The following DMGDH variants were observed in gnomAD, a reference collection of about 807,000 sequenced individuals.
The protein encoded by DMGDH is dimethylglycine dehydrogenase, also known as dimethylglycine dehydrogenase, mitochondrial.
In DMGDH, 76 loss-of-function variants were observed where a neutral mutation model predicts 95.2. That is an observed-to-expected ratio of 0.80 (90% CI 0.66 to 0.97). The LOEUF (loss-of-function observed/expected upper bound fraction) is 0.97, where lower values mean the gene tolerates loss of function less well. DMGDH is among the 50% of genes least tolerant of loss of function. The pLI, the probability that DMGDH is intolerant of heterozygous loss-of-function variation, is 0.00. For missense variants in DMGDH, 987 were observed against 1,055.0 expected (o/e 0.94, Z 0.89); for synonymous variants, 345 against 377.6 (o/e 0.91, Z 1.00).
chr5:79,043,863 C>G (rs1754591258), intron 6 of DMGDH, among the ~76,000 whole-genome samples: 1 of 152,216 alleles, frequency 6.6e-6, no homozygotes, highest in Non-Finnish European at 1.5e-5. Flanking sequence ...AAACCCTGCT[C>G]TGTTATAGAC....
At chr5:79,054,421 A>T in intron 3 of DMGDH, 73 bp from the exon 4 acceptor site, 1 of 1,419,332 alleles carries the variant, frequency 7.0e-7, no homozygotes, top group Non-Finnish European at 9.9e-7. Context: ...CTGCTCCAGT[A>T]TAATGAAAAT....
Position 79,033,308 on chromosome 5 carries a change from A to G in DMGDH, c.1294T>C (p.Tyr432His), listed in dbSNP as rs1363920076. 2 of 1,614,174 alleles carry G rather than the reference A, an allele frequency of 1.2e-6. No individual in the cohort carries two copies. The highest frequency in any genetic ancestry group is 1.1e-5 in the South Asian group (1 of 91,084). Residue 432 changes from tyrosine (Y) to histidine (H), a missense_variant, in exon 8 of 16, where the codon TAT becomes CAT. Physicochemically the swap from Tyr to His is moderately conservative, Grantham distance 83. Coordinates refer to ENST00000255189, the MANE Select transcript of DMGDH (RefSeq NM_013391.3). Reference sequence around the variant, plus strand: ...TACTGGGTTGTTGTCCATTTGCCATAGCGATTAGGATCCAATTCTATCAGA... The same window carrying G: ...TACTGGGTTGTTGTCCATTTGCCATGGCGATTAGGATCCAATTCTATCAGA... ...FDLIELDPNRYGKWTTTQYTE... is the reference protein window; with the variant it reads ...FDLIELDPNRHGKWTTTQYTE...
Position 79,069,637 on chromosome 5 carries a change from AG to A in DMGDH, c.-18del, listed in dbSNP as rs1755498378. ...ACGGAGCATGACTAGGCCGAGGCCG[AG>A]GGCGCAGGCGCCTGCTCCGAGGCCA... On this transcript the variant is annotated 5_prime_UTR_variant, in exon 1 of 16. Coordinates refer to ENST00000255189, the MANE Select transcript of DMGDH (RefSeq NM_013391.3). 1.5e-6 allele frequency: 2 copies of A among 1,352,088 alleles called. No individual in the cohort carries two copies. The highest frequency in any genetic ancestry group is 3.1e-5 in the Admixed American group (1 of 31,896). The allele number at this position is 1,352,088 out of a possible 1,614,324, so 83.8% of individuals were successfully genotyped here. A position where few individuals can be genotyped will look rare whatever the true frequency, so the allele number is the denominator to read the frequency against.
At chr5:79,058,574 G>T (rs1028099771) in intron 2 of DMGDH, among the ~76,000 whole-genome samples, 5 of 152,178 alleles carry the variant, frequency 3.3e-5, no homozygotes, top group Non-Finnish European at 4.4e-5. Flanking sequence ...TAGGGAAAGA[G>T]AAGATGCCAG....
intron 4 of DMGDH, among the ~76,000 whole-genome samples, chr5:79,053,971 A>G (rs1309548102): frequency 6.6e-6 from 1 of 152,202 alleles, no homozygotes; most frequent in Non-Finnish European, 1.5e-5. Flanking sequence ...TCAAAGGTGA[A>G]AAACTAACAA....
chr5:79,024,185 G>T, intron 14 of DMGDH, 86 bp downstream of exon 14: 1 of 1,191,876 alleles, frequency 8.4e-7, no homozygotes, highest in Non-Finnish European at 1.2e-6. Context: ...ATCCATACTT[G>T]GTTAAATTTT....
chr5:79,060,726 C>T (rs1172026081), intron 2 of DMGDH, among the ~76,000 whole-genome samples: 1 of 151,458 alleles, frequency 6.6e-6, no homozygotes, highest in East Asian at 1.9e-4. Context: ...TGAGACCATC[C>T]TGGCCAACAT....
intron 4 of DMGDH, 54 bp from the exon 5 acceptor site, chr5:79,051,545 G>T: frequency 6.7e-7 from 1 of 1,482,756 alleles, no homozygotes; most frequent in East Asian, 2.4e-5. Context: ...TTATTACTCA[G>T]TAAAAATATA....
At chr5:79,022,313 T>C (rs1297335253) in intron 14 of DMGDH, among the ~76,000 whole-genome samples, 1 of 152,158 alleles carries the variant, frequency 6.6e-6, no homozygotes, top group African/African-American at 2.4e-5. Flanking sequence ...GCACAGGACT[T>C]GAATGGTCAA....
intron 15 of DMGDH, among the ~76,000 whole-genome samples, chr5:79,002,517 G>A (rs952419717): frequency 6.6e-6 from 1 of 152,100 alleles, no homozygotes; most frequent in Non-Finnish European, 1.5e-5. Context: ...TCCATTGTCT[G>A]TCTCTCCCTC....
At chr5:79,009,055 A>G (rs553699481) in intron 14 of DMGDH, among the ~76,000 whole-genome samples, 1 of 152,222 alleles carries the variant, frequency 6.6e-6, no homozygotes, top group Admixed American at 6.5e-5. Flanking sequence ...ACTCTAAATA[A>G]AGTGCTTTAA....
intron 7 of DMGDH, among the ~76,000 whole-genome samples, chr5:79,037,497 C>T (rs1247022086): frequency 2.0e-5 from 3 of 151,994 alleles, no homozygotes; most frequent in African/African-American, 7.3e-5. Context: ...AACGGGAAGG[C>T]TTTTTTGGTT....
Position 78,998,263 on chromosome 5 carries a change from T to G in DMGDH, c.2420A>C (p.Tyr807Ser). 3 of 1,614,132 alleles carry G rather than the reference T, an allele frequency of 1.9e-6. No individual in the cohort carries two copies. Among genetic ancestry groups the G allele is most frequent in the Non-Finnish European group, 2.5e-6 (3 of 1,179,984 alleles). Residue 807 changes from tyrosine to serine, a missense_variant, in exon 16 of 16, where the codon TAC (tyrosine) becomes TCC (serine). Coordinates refer to ENST00000255189, the MANE Select transcript of DMGDH (RefSeq NM_013391.3). Reference protein sequence around the residue: ...VGNTTSGSYSYSIQKSLAFAY... With the variant: ...VGNTTSGSYSSSIQKSLAFAY... Reference sequence around the variant, plus strand: ...GAAAGCCAGACTCTTCTGGATGCTGTAGCTATAGCTTCCAGATGTCGTGTT... The same window carrying G: ...GAAAGCCAGACTCTTCTGGATGCTGGAGCTATAGCTTCCAGATGTCGTGTT...
intron 14 of DMGDH, among the ~76,000 whole-genome samples, chr5:79,010,476 T>C (rs1289066216): frequency 9.9e-5 from 15 of 152,220 alleles, no homozygotes; most frequent in Admixed American, 9.8e-4. Flanking sequence ...ATTTTTTGAT[T>C]GATTTTGTAT....
intron 4 of DMGDH, among the ~76,000 whole-genome samples, chr5:79,053,640 A>AATT (rs1224219441): frequency 5.9e-5 from 9 of 152,188 alleles, no homozygotes; most frequent in African/African-American, 1.9e-4. Flanking sequence ...ATTCAAAAGG[A>AATT]ATTATTACCC....
intron 15 of DMGDH, chr5:79,000,914 G>T: frequency 1.5e-6 from 1 of 667,924 alleles, no homozygotes; most frequent in Non-Finnish European, 2.7e-6. Flanking sequence ...TCAACTGATA[G>T]ACAGGTGGAG....
chr5:79,049,717 G>C (rs1207394127), intron 5 of DMGDH, among the ~76,000 whole-genome samples: 1 of 152,232 alleles, frequency 6.6e-6, no homozygotes, highest in Non-Finnish European at 1.5e-5. Context: ...GATAGTGTCA[G>C]ATGGAGACTG....
chr5:79,026,600 T>A lies in DMGDH; in HGVS notation c.2033-19A>T, dbSNP rs768228556. Reference sequence around the variant, plus strand: ...AGCTCACCTGAAATAAACCCACAGGTGCCACAGCAGGGCAAGAACAATGAT... The same window carrying A: ...AGCTCACCTGAAATAAACCCACAGGAGCCACAGCAGGGCAAGAACAATGAT... On this transcript the variant is annotated intron_variant, in intron 12 of 15. Coordinates refer to ENST00000255189, the MANE Select transcript of DMGDH (RefSeq NM_013391.3). 2 of 1,613,992 alleles carry A rather than the reference T, an allele frequency of 1.2e-6. No homozygotes were observed. Among genetic ancestry groups the A allele is most frequent in the Non-Finnish European group, 1.7e-6 (2 of 1,179,968 alleles).
chr5:79,000,163 G>T (rs1753429579), intron 15 of DMGDH: 31 of 578,378 alleles, frequency 5.4e-5, no homozygotes, highest in South Asian at 4.2e-4. Flanking sequence ...AATGTGTGTT[G>T]TTCTTCTCCA....
Sources: allele counts gnomAD v4.1 joint callset (sites outside exome capture counted in the v4.1 genomes callset), GRCh38; gene constraint gnomAD v4.1.1; transcripts MANE v1.5; gene names NCBI Gene and HGNC (gene_info 2026-07-23, HGNC 2026-07-21).